ALOXE3: variants seen among roughly 807,000 people sequenced by gnomAD.
ALOXE3 encodes the protein hydroperoxide isomerase ALOXE3.
Under a neutral mutation model 87.5 loss-of-function variants are expected in ALOXE3, and 78 were observed. The ratio of observed to expected loss-of-function variants is 0.89; its 90% CI spans 0.74 to 1.08. ALOXE3 has a LOEUF of 1.08. Ranked by LOEUF, ALOXE3 falls within the 50% of genes least tolerant of loss-of-function variation. The probability of loss-of-function intolerance (pLI) is 0.00; values close to 1 mark genes in which losing one functional copy is unlikely to be tolerated. For missense variants in ALOXE3, 946 were observed against 912.4 expected, an observed-to-expected ratio of 1.04 and a Z score of -0.47; for synonymous variants, 363 against 370.8, an observed-to-expected ratio of 0.98 and a Z score of 0.24.
intron 11 of ALOXE3, 109 bp from the exon 12 acceptor site, chr17:8,109,452 C>A: frequency 1.4e-6 from 2 of 1,446,416 alleles, no homozygotes; most frequent in Non-Finnish European, 9.4e-7. Flanking sequence ...CTTCGGTTCA[C>A]CAAGCAATCC....
At chr17:8,118,801 T>C (rs1297489032), upstream of ALOXE3, 8 of 1,536,900 alleles carry the variant, frequency 5.2e-6, no homozygotes, top group African/African-American at 1.4e-5. Flanking sequence ...AGGACCGCCC[T>C]GGGCCTGCAG....
intron 13 of ALOXE3, among the ~76,000 whole-genome samples, chr17:8,106,744 T>G (rs760047598): frequency 6.6e-6 from 1 of 152,214 alleles, no homozygotes; most frequent in African/African-American, 2.4e-5. Context: ...GAGAATCGCT[T>G]GAACCGGGAG....
rs527930987 is a variant in ALOXE3, at chr17:8,110,416, G to T, written c.1070C>A (p.Pro357His). ...AAPLCLLWLS[P>H]QGALVPLAIQ... ...GGCCAAGGGCACCAGCGCCCCCTGG[G>T]GGCTGAGCCACAGCAGGCACAGTGG... The change falls in exon 9 of 16, where the codon CCC (proline) becomes CAC (histidine). Residue 357 changes from proline to histidine, a missense_variant. Coordinates refer to ENST00000448843, the MANE Select transcript of ALOXE3 (RefSeq NM_021628.3). The T allele has an allele frequency of 1.9e-6, 3 of 1,611,104 alleles. No homozygotes were observed. The highest frequency in any genetic ancestry group is 1.7e-5 in the Admixed American group (1 of 59,858).
rs1430071352 is a variant in ALOXE3, at chr17:8,109,338, C to A, written c.1398G>T (p.Thr466=). Reference sequence around the variant, plus strand: ...AGATGAGGCCTTGCCTCCCGATGGACGTGACCTGAGGACACAGCACAGCTC... The same window carrying A: ...AGATGAGGCCTTGCCTCCCGATGGAAGTGACCTGAGGACACAGCACAGCTC... ...LNPEGLVDQV[T]SIGRQGLIYL... is the part of the protein sequence containing the mutation. Residue 466 remains threonine (T), a synonymous_variant, in exon 12 of 16, where the codon ACG becomes ACT. Coordinates refer to ENST00000448843, the MANE Select transcript of ALOXE3 (RefSeq NM_021628.3). The A allele has an allele frequency of 1.9e-6, 3 of 1,613,738 alleles. No homozygotes were observed. The Admixed American group carries it at 5.0e-5, about 27-fold the overall frequency.
At chr17:8,107,274 C>G (rs933819779) in intron 13 of ALOXE3, among the ~76,000 whole-genome samples, 2 of 152,114 alleles carry the variant, frequency 1.3e-5, no homozygotes, top group Non-Finnish European at 2.9e-5. Flanking sequence ...CCCAGTACTT[C>G]GGGAGGCCGA....
intron 3 of ALOXE3, 29 bp downstream of exon 3, chr17:8,116,747 G>A (rs760706784): frequency 4.4e-6 from 7 of 1,608,560 alleles, no homozygotes; most frequent in Non-Finnish European, 6.0e-6. Context: ...ACCTTCTGCA[G>A]TACAGTGTAG....
chr17:8,115,718 A>G lies in ALOXE3; in HGVS notation c.353-30T>C, dbSNP rs748073494. ...GGGGAATGAAAATTACTCTTGGTAT[A>G]AGTCTCTTTTCCAACAACATCTTCT... On this transcript the variant is annotated intron_variant, in intron 3 of 15. Transcript: ENST00000448843. The G allele has an allele frequency of 1.9e-6, 3 of 1,597,176 alleles. No homozygotes were observed. In the South Asian group the frequency reaches 3.3e-5, roughly 18 times the overall value.
chr17:8,097,238 T>TCCCA (rs1476265564), intron 15 of ALOXE3, among the ~76,000 whole-genome samples: 1 of 151,990 alleles, frequency 6.6e-6, no homozygotes, highest in African/African-American at 2.4e-5. Context: ...CAAGTGATCC[T>TCCCA]CCCACCTTGG....
At chr17:8,096,846 A>G (rs1978575021) in intron 15 of ALOXE3, 40 bp from the exon 16 acceptor site, 1 of 1,604,292 alleles carries the variant, frequency 6.2e-7, no homozygotes, top group African/African-American at 1.3e-5. Flanking sequence ...TGACATTCAG[A>G]TGGGATGGGG....
Position 8,108,595 on chromosome 17 carries a change from G to A in ALOXE3, c.1563-6C>T. 6.2e-7 allele frequency: 1 copy of A among 1,610,142 alleles called. No individual in the cohort carries two copies. The highest frequency in any genetic ancestry group is 8.5e-7 in the Non-Finnish European group (1 of 1,177,572). On this transcript the variant is annotated splice_region_variant and splice_polypyrimidine_tract_variant and intron_variant, in intron 12 of 15. Coordinates refer to ENST00000448843, the MANE Select transcript of ALOXE3 (RefSeq NM_021628.3). ...CCACGATTTCTGAGACAAAGCTGCAGGAAAGAGATGCTGGTACCACTGGAG... is the reference window on the plus strand; with the variant it reads ...CCACGATTTCTGAGACAAAGCTGCAAGAAAGAGATGCTGGTACCACTGGAG...
intron 4 of ALOXE3, 76 bp downstream of exon 4, chr17:8,115,531 T>G (rs1429770694): frequency 2.7e-6 from 4 of 1,462,418 alleles, no homozygotes; most frequent in Non-Finnish European, 3.8e-6. Context: ...AGAATGAGGT[T>G]AGAGTTAGGA....
chr17:8,109,436 G>A, intron 11 of ALOXE3, 93 bp from the exon 12 acceptor site: 5 of 1,518,750 alleles, frequency 3.3e-6, no homozygotes, highest in Non-Finnish European at 4.4e-6. Flanking sequence ...GCCCAAGGAG[G>A]GCCTTCTTCG....
intron 13 of ALOXE3, among the ~76,000 whole-genome samples, chr17:8,104,518 G>A (rs1979149119): frequency 6.6e-6 from 1 of 152,202 alleles, no homozygotes; most frequent in Non-Finnish European, 1.5e-5. Flanking sequence ...ACTTCAATCT[G>A]CAGCCCCTAT....
At chr17:8,106,502 A>T (rs117046066) in intron 13 of ALOXE3, among the ~76,000 whole-genome samples, 2,761 of 152,240 alleles carry the variant, frequency 0.018, 34 homozygotes, top group South Asian at 0.048. Context: ...CAACAGAGCA[A>T]GACCCTGTCT....
chr17:8,114,663 A>G (rs1980425529), intron 5 of ALOXE3, 54 bp from the exon 6 acceptor site: 1 of 1,611,254 alleles, frequency 6.2e-7, no homozygotes, highest in Non-Finnish European at 8.5e-7. Context: ...CCTGAAGCCC[A>G]GCTGCTCAAC....
chr17:8,118,763 A>G (rs959253077), upstream of ALOXE3: 1 of 1,537,296 alleles, frequency 6.5e-7, no homozygotes, highest in African/African-American at 1.4e-5. Flanking sequence ...CAGGGTCTGA[A>G]TGCCCCGCGT....
At position 8,109,281 on chromosome 17, in the gene ALOXE3, G is replaced by A; in HGVS notation, c.1455C>T (p.Thr485=). ...YLMSTGLAHF[T]YTNFCLPDSL... ...TGTCCGGAAGGCAGAAATTGGTGTAGGTGAAGTGGGCCAGGCCCGTGCTCA... is the reference window on the plus strand; with the variant it reads ...TGTCCGGAAGGCAGAAATTGGTGTAAGTGAAGTGGGCCAGGCCCGTGCTCA... The change falls in exon 12 of 16, where the codon ACC becomes ACT. Residue 485 remains threonine (T), a synonymous_variant. Transcript: ENST00000448843. 2 of 1,614,166 alleles carry A rather than the reference G, an allele frequency of 1.2e-6. No homozygotes were observed. Among genetic ancestry groups the A allele is most frequent in the African/African-American group, 1.3e-5 (1 of 75,082 alleles).
At chr17:8,118,538 G>A (rs1980820108), upstream of ALOXE3, 1 of 1,529,112 alleles carries the variant, frequency 6.5e-7, no homozygotes, top group South Asian at 1.2e-5. Context: ...GTGGAGAGTT[G>A]CACTTGGTCA....
chr17:8,099,614 C>T (rs369771852), intron 15 of ALOXE3, among the ~76,000 whole-genome samples: 3 of 151,594 alleles, frequency 2.0e-5, no homozygotes, highest in East Asian at 3.9e-4. Flanking sequence ...TGAGCCGAGA[C>T]CGCGCCACTG....
Sources: allele counts gnomAD v4.1 joint callset (sites outside exome capture counted in the v4.1 genomes callset), GRCh38; gene constraint gnomAD v4.1.1; transcripts MANE v1.5; gene names NCBI Gene and HGNC (gene_info 2026-07-23, HGNC 2026-07-21).